The following SEC23IP variants were observed in gnomAD, a reference collection of about 807,000 sequenced individuals.
SEC23IP encodes the protein SEC23 interacting protein.
Under a neutral mutation model 113.4 loss-of-function variants are expected in SEC23IP, and 70 were observed. The observed-to-expected ratio is 0.62, with a 90% CI of 0.51 to 0.75. SEC23IP has a LOEUF of 0.75. Among genes scored for constraint, SEC23IP ranks in the 30% least tolerant of loss-of-function variants. The pLI is 0.00. For synonymous variants in SEC23IP, 398 were observed against 421.0 expected, an observed-to-expected ratio of 0.95 and a Z score of 0.67; for missense variants, 1,160 against 1,204.9, an observed-to-expected ratio of 0.96 and a Z score of 0.55.
intron 12 of SEC23IP, 109 bp from the exon 13 acceptor site, chr10:119,925,927 C>A: frequency 2.3e-6 from 2 of 863,934 alleles, no homozygotes; most frequent in South Asian, 2.0e-5. Context: ...GTTACTATTC[C>A]TAAGAAGTAG....
chr10:119,902,733 G>T (rs1854537100), intron 2 of SEC23IP, 66 bp from the exon 3 acceptor site: 1 of 1,247,464 alleles, frequency 8.0e-7, no homozygotes, highest in Non-Finnish European at 1.2e-6. Context: ...CATCAGTTTG[G>T]GTGTGAAGCA....
At chr10:119,915,698 C>T in intron 7 of SEC23IP, 50 bp from the exon 8 acceptor site, 1 of 1,328,578 alleles carries the variant, frequency 7.5e-7, no homozygotes, top group Non-Finnish European at 9.9e-7. Context: ...GACTAGCTAT[C>T]AAGCTAGGAG....
At chr10:119,898,254 C>T in intron 1 of SEC23IP, 173 bp from the exon 2 acceptor site, 1 of 1,199,172 alleles carries the variant, frequency 8.3e-7, no homozygotes, top group Non-Finnish European at 1.1e-6. Flanking sequence ...TTTTTCATTT[C>T]TAAGAAGCAA....
intron 7 of SEC23IP, 69 bp from the exon 8 acceptor site, chr10:119,915,679 G>A (rs1589835421): frequency 9.0e-7 from 1 of 1,110,032 alleles, no homozygotes; most frequent in Non-Finnish European, 1.2e-6. Context: ...CATATTTGAG[G>A]TAACTGCTGA....
chr10:119,905,661 C>G (rs993434602), intron 4 of SEC23IP, among the ~76,000 whole-genome samples: 1 of 152,264 alleles, frequency 6.6e-6, no homozygotes, highest in Non-Finnish European at 1.5e-5. Flanking sequence ...GACAAAACAA[C>G]GGAAGGGTTG....
rs201715421 is a variant in SEC23IP, at chr10:119,929,692, G to A, written c.2399G>A (p.Arg800Gln). Residue 800 changes from arginine to glutamine, a missense_variant, in exon 14 of 19, where the codon CGA (arginine) becomes CAA (glutamine). By Grantham distance (43) the Arg-to-Gln change is conservative (BLOSUM62 1). Transcript: ENST00000369075. ...CCAATTGCTATGTTTCTCACTATTC[G>A]AGGAGTTGATAGGATAGATGAGAAT... ...GSPIAMFLTIRGVDRIDENYS... is the reference protein window; with the variant it reads ...GSPIAMFLTIQGVDRIDENYS... 56 of 1,602,282 alleles carry A rather than the reference G, an allele frequency of 3.5e-5. No homozygotes were observed. The highest frequency in any genetic ancestry group is 1.3e-5 in the African/African-American group (1 of 74,678).
chr10:119,915,623 A>AT (rs961339257), intron 7 of SEC23IP, 125 bp from the exon 8 acceptor site: 8 of 727,828 alleles, frequency 1.1e-5, no homozygotes, highest in African/African-American at 3.7e-5. Flanking sequence ...TCTTATCCTC[A>AT]TTTTTTTCTT....
In SEC23IP at chr10:119,943,542, A is replaced by G. The variant is rs894709393; in HGVS notation, c.*2977A>G. The G allele has an allele frequency of 6.6e-6, 1 of 152,178 alleles. No homozygotes were observed. Among genetic ancestry groups the G allele is most frequent in the African/African-American group, 2.4e-5 (1 of 41,430 alleles). 9.4% of individuals were successfully genotyped at this position (152,178 alleles called of 1,614,324 possible). A position where few individuals can be genotyped will look rare whatever the true frequency, so the allele number is the denominator to read the frequency against. Reference sequence around the variant, plus strand: ...GAGGTGGAGGTTGCAGTGAGTTGGGATCTCGCCACTGCACTCTAGCCTGAG... The same window carrying G: ...GAGGTGGAGGTTGCAGTGAGTTGGGGTCTCGCCACTGCACTCTAGCCTGAG... On this transcript the variant is annotated 3_prime_UTR_variant, in exon 19 of 19. Transcript: ENST00000369075.
chr10:119,936,869 C>A (rs1217888082), intron 18 of SEC23IP, among the ~76,000 whole-genome samples: 2 of 151,324 alleles, frequency 1.3e-5, no homozygotes, highest in South Asian at 2.1e-4. Context: ...GGGTCCTTTT[C>A]TTTCTTTATT....
intron 2 of SEC23IP, 139 bp downstream of exon 2, chr10:119,899,098 C>T: frequency 1.3e-6 from 1 of 761,254 alleles, no homozygotes; most frequent in Non-Finnish European, 2.1e-6. Flanking sequence ...TTGTAAGCTA[C>T]ATGAAGTAAA....
At chr10:119,926,353 T>C in intron 13 of SEC23IP, 126 bp downstream of exon 13, 1 of 1,030,202 alleles carries the variant, frequency 9.7e-7, no homozygotes, top group Non-Finnish European at 1.4e-6. Context: ...AAAACTGATT[T>C]TCTCTTAGTG....
intron 13 of SEC23IP, among the ~76,000 whole-genome samples, chr10:119,928,243 T>C (rs1235802835): frequency 6.6e-6 from 1 of 152,232 alleles, no homozygotes. Context: ...TTTACCTGTT[T>C]TTCTATTTGG....
At position 119,942,406 on chromosome 10, in the gene SEC23IP, G is replaced by A. The variant is rs1026594619; in HGVS notation, c.*1841G>A. The A allele has an allele frequency of 3.9e-5, 6 of 152,054 alleles. No individual in the cohort carries two copies. The highest frequency in any genetic ancestry group is 1.9e-4 in the East Asian group (1 of 5,200). The allele number at this position is 152,054 out of a possible 1,614,324, so 9.4% of individuals were successfully genotyped here. A position where few individuals can be genotyped will look rare whatever the true frequency, so the allele number is the denominator to read the frequency against. On this transcript the variant is annotated 3_prime_UTR_variant, in exon 19 of 19. Transcript: ENST00000369075. ...TCAGTCTCTTAAAAACCAAAAAACA[G>A]TAGATCCCCTGAGGGTAGAGTCTTT... is the stretch of plus-strand genomic sequence containing the variant.
At chr10:119,904,378 G>A (rs1854597719) in intron 4 of SEC23IP, 101 bp downstream of exon 4, 1 of 1,014,640 alleles carries the variant, frequency 9.9e-7, no homozygotes. Context: ...TTACTTACAA[G>A]ACAGCTTGTT....
intron 1 of SEC23IP, among the ~76,000 whole-genome samples, chr10:119,893,953 T>C (rs775085608): frequency 3.9e-5 from 6 of 152,224 alleles, no homozygotes; most frequent in Non-Finnish European, 8.8e-5. Flanking sequence ...TTGATGATTA[T>C]GTAGCATTGC....
intron 7 of SEC23IP, among the ~76,000 whole-genome samples, chr10:119,915,278 T>TC (rs1855011764): frequency 1.3e-5 from 2 of 152,206 alleles, no homozygotes; most frequent in South Asian, 4.1e-4. Context: ...CATTTGACCC[T>TC]CACAAATAAA....
chr10:119,892,989 G>A (rs758907037), intron 1 of SEC23IP, 44 bp downstream of exon 1: 4 of 1,579,616 alleles, frequency 2.5e-6, no homozygotes, highest in African/African-American at 2.7e-5. Flanking sequence ...GAGGCGGGCG[G>A]GGGACGTGCA....
chr10:119,923,215 T>C (rs1159419321), intron 12 of SEC23IP, among the ~76,000 whole-genome samples: 1 of 152,136 alleles, frequency 6.6e-6, no homozygotes, highest in Non-Finnish European at 1.5e-5. Flanking sequence ...CAAAAATCTA[T>C]AGAGTGATCT....
intron 17 of SEC23IP, 116 bp from the exon 18 acceptor site, chr10:119,933,570 C>A: frequency 1.6e-6 from 1 of 640,124 alleles, no homozygotes; most frequent in Admixed American, 2.8e-5. Flanking sequence ...ACATTGCTAT[C>A]ATTTGCCCTT....
Sources: gnomAD v4.1 joint callset for allele counts (sites outside exome capture counted in the v4.1 genomes callset) on GRCh38, gnomAD v4.1.1 for gene constraint, MANE v1.5 for transcripts, NCBI Gene and HGNC (gene_info 2026-07-23, HGNC 2026-07-21) for gene names.